Variants in SORL1 observed in about 807,000 individuals in gnomAD.
SORL1 encodes sortilin-related receptor.
SORL1 carries 127 observed loss-of-function variants against 273.7 expected under a neutral mutation model. That is an observed-to-expected ratio of 0.46 (90% confidence interval 0.40 to 0.54). SORL1 has a LOEUF of 0.54. SORL1 is among the 20% of genes least tolerant of loss of function. The pLI is 0.00. For missense variants in SORL1, 2,494 were observed against 2,846.1 expected, an observed-to-expected ratio of 0.88 and a Z score of 2.81; for synonymous variants, 1,031 against 1,067.4, an observed-to-expected ratio of 0.97 and a Z score of 0.66.
intron 21 of SORL1, among the ~76,000 whole-genome samples, chr11:121,564,968 T>C (rs964979151): frequency 6.6e-6 from 1 of 152,238 alleles, no homozygotes; most frequent in Non-Finnish European, 1.5e-5. Context: ...AAAACACATG[T>C]TCCCACATCC....
At chr11:121,609,885 G>T (rs543925022) in intron 38 of SORL1, 1 of 152,296 alleles carries the variant, frequency 6.6e-6, no homozygotes, top group South Asian at 2.1e-4. Flanking sequence ...TATCCTCATT[G>T]TGTAGCTGAG....
At chr11:121,529,579 TG>T (rs1040765912) in intron 11 of SORL1, among the ~76,000 whole-genome samples, 1 of 152,032 alleles carries the variant, frequency 6.6e-6, no homozygotes, top group African/African-American at 2.4e-5. Context: ...ATATTTAAAG[TG>T]TTTTTTTTTT....
chr11:121,576,479 T>C (rs4936637), intron 24 of SORL1, among the ~76,000 whole-genome samples: 35,655 of 152,248 alleles, frequency 0.23, 5,257 homozygotes, highest in East Asian at 0.56. Context: ...CTCTTAATAA[T>C]ATCACATTGG....
At chr11:121,532,399 G>C in intron 11 of SORL1, 65 bp from the exon 12 acceptor site, 1 of 1,433,938 alleles carries the variant, frequency 7.0e-7, no homozygotes. Context: ...CTGTGGGCAT[G>C]TGTACATGGT....
chr11:121,585,330 A>C (rs1223307383), intron 26 of SORL1, among the ~76,000 whole-genome samples: 2 of 152,042 alleles, frequency 1.3e-5, no homozygotes, highest in East Asian at 3.9e-4. Flanking sequence ...CAAAAATACA[A>C]AAATTAGCCA....
At chr11:121,597,012 G>A (rs1345067209) in intron 32 of SORL1, among the ~76,000 whole-genome samples, 2 of 152,170 alleles carry the variant, frequency 1.3e-5, no homozygotes, top group Non-Finnish European at 2.9e-5. Flanking sequence ...ATGTGGAAGT[G>A]CTTATAAGAG....
rs79191307 is a variant in SORL1 at position 121,596,730 on chromosome 11, G to C, written c.4519+958G>C. On this transcript the variant is annotated intron_variant, in intron 32 of 47. Transcript: ENST00000260197. This position sits in a 1 kb window ranked among gnomAD's most constrained non-coding sequence, Gnocchi z 4.3. ...TCCTGTCCTGGTGAATGTAGAAGAC[G>C]CCCCTCTCACTCTCTGCTGAGAGCC... 6.6e-6 allele frequency among the ~76,000 whole-genome samples: 1 copy of C among 152,088 alleles called. No homozygotes were observed. Among genetic ancestry groups the C allele is most frequent in the African/African-American group, 2.4e-5 (1 of 41,404 alleles).
rs1863044830 is a variant in SORL1 at position 121,583,514 on chromosome 11, C to A, written c.3637C>A (p.Pro1213Thr). 6.2e-7 allele frequency: 1 copy of A among 1,613,038 alleles called. No homozygotes were observed. The highest frequency in any genetic ancestry group is 8.5e-7 in the Non-Finnish European group (1 of 1,179,500). The stretch of plus-strand genomic sequence containing the variant: ...CCAGTGCCGAAACGGGCACTGCATC[C>A]CCCAGCGGTGGGCGTGTGACGGGGA... ...NFQCRNGHCI[P>T]QRWACDGDTD... The change falls in exon 26 of 48, where the codon CCC becomes ACC. Residue 1213 changes from proline to threonine, a missense_variant. Pro to Thr is a conservative substitution (Grantham distance 38). Around this residue, in one of 3 missense-constraint regions of SORL1, gnomAD observed 1,609 missense variants for 1,816.4 expected, o/e 0.89. Transcript: ENST00000260197.
At chr11:121,500,422 T>G (rs1433823438) in intron 6 of SORL1, among the ~76,000 whole-genome samples, 2 of 152,244 alleles carry the variant, frequency 1.3e-5, no homozygotes, top group East Asian at 3.8e-4. Context: ...CCTTGCATGC[T>G]GCAGACGCTG....
At chr11:121,549,918 G>A (rs1440631673) in intron 14 of SORL1, 42 bp from the exon 15 acceptor site, 4 of 1,603,956 alleles carry the variant, frequency 2.5e-6, no homozygotes, top group Middle Eastern at 3.3e-4. Flanking sequence ...TGCCTGAAAT[G>A]TATAAAACCG....
In SORL1 at chr11:121,452,592, C is replaced by A; in HGVS notation, c.261C>A (p.Pro87=). Residue 87 remains proline (P), a synonymous_variant, in exon 1 of 48, where the codon CCC becomes CCA. Transcript: ENST00000260197. The surrounding 1 kb of genome is among the most constrained non-coding windows in gnomAD (Gnocchi z 5.3). ...LRRKRSAALQ[P]EPIKVYGQVS... ...GGAAACGGAGCGCTGCCCTGCAGCC[C>A]GAGCCCATCAAGGTGTACGGACAGG... is the stretch of plus-strand genomic sequence containing the variant. 1.3e-6 allele frequency: 2 copies of A among 1,521,482 alleles called. No individual in the cohort carries two copies. The highest frequency in any genetic ancestry group is 1.8e-6 in the Non-Finnish European group (2 of 1,142,202). The allele number at this position is 1,521,482 out of a possible 1,614,324, so 94.2% of individuals were successfully genotyped here. A position where few individuals can be genotyped will look rare whatever the true frequency, so the allele number is the denominator to read the frequency against.
rs754452634 is a variant in SORL1 at position 121,607,191 on chromosome 11, A to G, written c.5067A>G (p.Glu1689=). 3 of 1,599,296 alleles carry G rather than the reference A, an allele frequency of 1.9e-6. No homozygotes were observed. The Admixed American group carries it at 5.0e-5, about 27-fold the overall frequency. ...TTTTTTTCTTCTCCCTTTAGGTAGA[A>G]TACAGCAGGAGTGGTTCCAAGATGT... The part of the protein sequence containing the change: ...THGLIREYIV[E]YSRSGSKMWA... The change falls in exon 37 of 48, where the codon GAA becomes GAG. Residue 1689 remains glutamate, a synonymous_variant. Transcript: ENST00000260197.
At position 121,614,029 on chromosome 11, in the gene SORL1, T is replaced by C. The variant is rs191161278; in HGVS notation, c.5420-842T>C. Among the ~76,000 whole-genome samples, 5 of 152,376 alleles carry C rather than the reference T, an allele frequency of 3.3e-5. No individual in the cohort carries two copies. In the East Asian group the frequency reaches 9.6e-4, roughly 29 times the overall value. Reference sequence around the variant, plus strand: ...AGTTTAAATACTTTACCCAAGGTTATACAACCACAAAGTATAGAGTCAGGC... The same window carrying C: ...AGTTTAAATACTTTACCCAAGGTTACACAACCACAAAGTATAGAGTCAGGC... On this transcript the variant is annotated intron_variant, in intron 40 of 47. Coordinates refer to ENST00000260197, the MANE Select transcript of SORL1 (RefSeq NM_003105.6).
intron 23 of SORL1, 145 bp from the exon 24 acceptor site, chr11:121,574,096 T>C: frequency 1.3e-6 from 1 of 742,790 alleles, no homozygotes; most frequent in East Asian, 2.7e-5. Flanking sequence ...GTAATTTATG[T>C]CTTCTGTAAG....
At chr11:121,498,560 G>A (rs1217034956) in intron 6 of SORL1, among the ~76,000 whole-genome samples, 1 of 152,134 alleles carries the variant, frequency 6.6e-6, no homozygotes, top group Non-Finnish European at 1.5e-5. Flanking sequence ...ATTTCTAGGT[G>A]TCACGGTCGA....
At chr11:121,490,197 C>T (rs146512286) in intron 5 of SORL1, 87 bp downstream of exon 5, 1 of 855,250 alleles carries the variant, frequency 1.2e-6, no homozygotes, top group Non-Finnish European at 2.0e-6. Flanking sequence ...CTGCCCTCCC[C>T]TGAAATGTCC....
At chr11:121,536,970 G>A (rs1010468017) in intron 12 of SORL1, among the ~76,000 whole-genome samples, 6 of 152,152 alleles carry the variant, frequency 3.9e-5, no homozygotes, top group African/African-American at 1.4e-4. Context: ...TGAGGGCCAG[G>A]TGATGCTATC....
At chr11:121,519,100 A>G (rs1054927356) in intron 8 of SORL1, among the ~76,000 whole-genome samples, 2 of 151,646 alleles carry the variant, frequency 1.3e-5, no homozygotes, top group African/African-American at 4.8e-5. Flanking sequence ...GGCACGTGCC[A>G]CCATGCCCAG....
intron 25 of SORL1, among the ~76,000 whole-genome samples, chr11:121,581,308 A>G (rs1267411357): frequency 6.6e-6 from 1 of 152,186 alleles, no homozygotes; most frequent in Non-Finnish European, 1.5e-5. Context: ...ATGTTTGGTT[A>G]ATGCTTTTAA....
Sources: gnomAD v4.1 joint callset for allele counts (sites outside exome capture counted in the v4.1 genomes callset) on GRCh38, gnomAD v4.1.1 for gene constraint, gnomAD v4.1.1 regional missense constraint, Gnocchi (gnomAD v3.1) non-coding constraint, MANE v1.5 for transcripts, NCBI Gene and HGNC (gene_info 2026-07-23, HGNC 2026-07-21) for gene names.